GRM7: variants seen among roughly 807,000 people sequenced by gnomAD.
GRM7 encodes metabotropic glutamate receptor 7.
A neutral mutation model predicts 84.5 loss-of-function variants in GRM7; 35 were observed. That is an observed-to-expected ratio of 0.41 (90% CI 0.32 to 0.55). The LOEUF (loss-of-function observed/expected upper bound fraction) is 0.55, where lower values mean the gene tolerates loss of function less well. GRM7 is among the 20% of genes least tolerant of loss of function. The pLI is 0.19. For missense variants in GRM7, 1,003 were observed against 1,194.6 expected (o/e 0.84, Z 2.36); for synonymous variants, 487 against 455.1 (o/e 1.07, Z -0.89).
intron 1 of GRM7, among the ~76,000 whole-genome samples, chr3:6,963,479 A>G (rs1460176724): frequency 6.6e-6 from 1 of 152,302 alleles, no homozygotes; most frequent in East Asian, 1.9e-4. Context: ...TGCACTAATA[A>G]CCTGGGCATG....
chr3:7,443,351 A>G (rs1337911070), intron 5 of GRM7, among the ~76,000 whole-genome samples: 2 of 152,138 alleles, frequency 1.3e-5, no homozygotes, highest in African/African-American at 2.4e-5. Context: ...TGTACAATAC[A>G]CACAAAAGAC....
chr3:7,264,755 G>A (rs1698570666), intron 2 of GRM7, among the ~76,000 whole-genome samples: 1 of 151,658 alleles, frequency 6.6e-6, no homozygotes, highest in Admixed American at 6.6e-5. Flanking sequence ...CTAGCTTCCA[G>A]GGTGTCCTGG....
At chr3:7,613,345 A>G (rs1696933624) in intron 8 of GRM7, among the ~76,000 whole-genome samples, 1 of 152,214 alleles carries the variant, frequency 6.6e-6, no homozygotes, top group Non-Finnish European at 1.5e-5. Flanking sequence ...CCTAACGTAC[A>G]TATGTCATGC....
chr3:6,903,125 A>G (rs1048356049), intron 1 of GRM7, among the ~76,000 whole-genome samples: 15 of 152,054 alleles, frequency 9.9e-5, no homozygotes, highest in Admixed American at 9.2e-4. Context: ...TAGGATACTT[A>G]GACAAATTGG....
intron 2 of GRM7, among the ~76,000 whole-genome samples, chr3:7,183,267 CTGTGT>C (rs1442740194): frequency 4.6e-5 from 7 of 152,154 alleles, no homozygotes; most frequent in African/African-American, 1.7e-4. Context: ...CATTATCTAG[CTGTGT>C]ACAGGGGAGC....
chr3:7,405,415 A>T (rs1490724935), intron 4 of GRM7, among the ~76,000 whole-genome samples: 1 of 152,142 alleles, frequency 6.6e-6, no homozygotes, highest in Non-Finnish European at 1.5e-5. Context: ...GATACACATT[A>T]TATGTAGTGA....
intron 8 of GRM7, among the ~76,000 whole-genome samples, chr3:7,582,945 C>T (rs1274964614): frequency 6.6e-6 from 1 of 152,178 alleles, no homozygotes; most frequent in Non-Finnish European, 1.5e-5. Context: ...GCCAACCATA[C>T]TTTTTAAAAG....
At chr3:7,658,462 T>G (rs545574234) in intron 8 of GRM7, among the ~76,000 whole-genome samples, 96 of 152,332 alleles carry the variant, frequency 6.3e-4, no homozygotes, top group African/African-American at 2.1e-3. Context: ...CCTCATCTTA[T>G]CTTTCCCACT....
At chr3:7,271,115 G>A (rs917300092) in intron 2 of GRM7, among the ~76,000 whole-genome samples, 12 of 152,110 alleles carry the variant, frequency 7.9e-5, no homozygotes, top group African/African-American at 2.2e-4. Flanking sequence ...AGAAAAGGAG[G>A]GACATGAAGT....
chr3:7,363,336 G>A (rs1213001901), intron 4 of GRM7, among the ~76,000 whole-genome samples: 1 of 151,922 alleles, frequency 6.6e-6, no homozygotes, highest in Non-Finnish European at 1.5e-5. Flanking sequence ...ATCACAAGAA[G>A]TCACCTGACA....
intron 1 of GRM7, among the ~76,000 whole-genome samples, chr3:7,079,088 A>G (rs17288484): frequency 0.022 from 3,297 of 152,188 alleles, 224 homozygotes; most frequent in East Asian, 0.15. Flanking sequence ...ATTAGTAGTA[A>G]AGTGAATTAT....
intron 1 of GRM7, among the ~76,000 whole-genome samples, chr3:6,935,677 A>AATTATTATT (rs57669228): frequency 0.035 from 5,031 of 142,402 alleles, 278 homozygotes; most frequent in African/African-American, 0.12. Flanking sequence ...CTTATTTTTA[A>AATTATTATT]ATTATTATTA....
chr3:7,464,973 G>T (rs1327851540), intron 7 of GRM7, among the ~76,000 whole-genome samples: 1 of 152,128 alleles, frequency 6.6e-6, no homozygotes, highest in Non-Finnish European at 1.5e-5. Context: ...TCCAGCCCTG[G>T]CGAGAGTGCG....
intron 2 of GRM7, among the ~76,000 whole-genome samples, chr3:7,156,793 T>A (rs1336709484): frequency 2.6e-5 from 4 of 152,146 alleles, no homozygotes; most frequent in African/African-American, 9.7e-5. Flanking sequence ...TTTTTAGTTA[T>A]TTTGAAAGTT....
intron 2 of GRM7, among the ~76,000 whole-genome samples, chr3:7,228,909 T>G (rs1331580276): frequency 6.6e-6 from 1 of 152,372 alleles, no homozygotes; most frequent in East Asian, 1.9e-4. Context: ...GTGGATTGGG[T>G]GAAGCATTAA....
chr3:7,442,587 G>A (rs1697334402), intron 5 of GRM7, among the ~76,000 whole-genome samples: 1 of 152,100 alleles, frequency 6.6e-6, no homozygotes, highest in African/African-American at 2.4e-5. Context: ...TTCTCTGTGT[G>A]CTTAAGGAGG....
At chr3:7,704,880 T>A (rs1701337496) in intron 9 of GRM7, among the ~76,000 whole-genome samples, 1 of 152,122 alleles carries the variant, frequency 6.6e-6, no homozygotes, top group African/African-American at 2.4e-5. Flanking sequence ...ATAGAGAACC[T>A]CCTTGGCCAT....
At chr3:7,462,692 G>A (rs557847682) in intron 7 of GRM7, among the ~76,000 whole-genome samples, 28 of 152,278 alleles carry the variant, frequency 1.8e-4, no homozygotes, top group African/African-American at 5.8e-4. Context: ...ATAGGGAGCC[G>A]TGAAGCCACT....
chr3:7,418,546 G>A (rs1696265774), intron 5 of GRM7, among the ~76,000 whole-genome samples: 1 of 152,192 alleles, frequency 6.6e-6, no homozygotes, highest in Non-Finnish European at 1.5e-5. Flanking sequence ...AAGATCAGAT[G>A]TGATTTTTTT....
Sources: allele counts gnomAD v4.1 joint callset (sites outside exome capture counted in the v4.1 genomes callset), GRCh38; gene constraint gnomAD v4.1.1; transcripts MANE v1.5; gene names NCBI Gene and HGNC (gene_info 2026-07-23, HGNC 2026-07-21).